The following PRMT7 variants were observed in gnomAD, a reference collection of about 807,000 sequenced individuals.
PRMT7 encodes protein arginine N-methyltransferase 7.
In PRMT7, 75 loss-of-function variants were observed where a neutral mutation model predicts 85.4. The observed-to-expected ratio is 0.88, with a 90% CI of 0.73 to 1.06. The LOEUF is 1.06. PRMT7 is among the 50% of genes least tolerant of loss of function. The probability of loss-of-function intolerance (pLI) is 0.00; values close to 1 mark genes in which losing one functional copy is unlikely to be tolerated. For synonymous variants in PRMT7, 397 were observed against 359.5 expected (o/e 1.10, Z -1.18); for missense variants, 868 against 915.2 (o/e 0.95, Z 0.67).
Position 68,345,719 on chromosome 16 carries a change from G to C in PRMT7, c.972G>C (p.Glu324Asp). Residue 324 changes from glutamate (E) to aspartate (D), a missense_variant, in exon 10 of 19, where the codon GAG becomes GAC. Physicochemically the swap from Glu to Asp is conservative, Grantham distance 45. Coordinates refer to ENST00000441236, the MANE Select transcript of PRMT7 (RefSeq NM_019023.5). ...AGTGTGTGTACTTCCTGCCACAAGA[G>C]GAGCCTGTGGTGCAGGGCTCAGCGC... ...WMQCVYFLPQ[E>D]EPVVQGSALY... 6.2e-7 allele frequency: 1 copy of C among 1,614,048 alleles called. No individual in the cohort carries two copies. The highest frequency in any genetic ancestry group is 8.5e-7 in the Non-Finnish European group (1 of 1,180,024).
Position 68,357,135 on chromosome 16 carries a change from G to C in PRMT7, c.1990G>C (p.Gly664Arg). 1 of 1,613,986 alleles carries C rather than the reference G, an allele frequency of 6.2e-7. No individual in the cohort carries two copies. The highest frequency in any genetic ancestry group is 2.2e-5 in the East Asian group (1 of 44,888). The change falls in exon 19 of 19, where the codon GGC becomes CGC. Residue 664 changes from glycine to arginine, a missense_variant. Physicochemically the swap from Gly to Arg is moderately radical, Grantham distance 125. Coordinates refer to ENST00000441236, the MANE Select transcript of PRMT7 (RefSeq NM_019023.5). The part of the protein sequence containing the change: ...PAPDPRALLG[G>R]PRTVSYAVEF... Reference sequence around the variant, plus strand: ...CCCAGATCCCAGAGCACTGCTGGGTGGCCCACGGACTGTCAGCTATGCAGT... The same window carrying C: ...CCCAGATCCCAGAGCACTGCTGGGTCGCCCACGGACTGTCAGCTATGCAGT...
chr16:68,321,485 A>T, intron 4 of PRMT7, 23 bp downstream of exon 4: 1 of 1,591,562 alleles, frequency 6.3e-7, no homozygotes, highest in Non-Finnish European at 8.6e-7. Context: ...GGAAACTATT[A>T]TCTTGATGTG....
intron 9 of PRMT7, 78 bp from the exon 10 acceptor site, chr16:68,345,597 C>T: frequency 6.3e-7 from 1 of 1,589,922 alleles, no homozygotes; most frequent in Non-Finnish European, 8.6e-7. Context: ...ACTGGCAGTT[C>T]TCTGGCATTT....
At chr16:68,339,613 G>T (rs1258669398) in intron 8 of PRMT7, 50 bp downstream of exon 8, 1 of 1,606,740 alleles carries the variant, frequency 6.2e-7, no homozygotes. Context: ...TTTGATGGAA[G>T]TTGGGTATTA....
chr16:68,325,983 A>G (rs1302840484), intron 5 of PRMT7, among the ~76,000 whole-genome samples: 2 of 152,218 alleles, frequency 1.3e-5, no homozygotes, highest in Admixed American at 1.3e-4. Context: ...ATAAAACATT[A>G]AACAGCTTGA....
chr16:68,347,606 A>G, intron 12 of PRMT7, 25 bp from the exon 13 acceptor site: 1 of 1,607,316 alleles, frequency 6.2e-7, no homozygotes, highest in Non-Finnish European at 8.5e-7. Flanking sequence ...ATATCTTACA[A>G]CTAATAGCGT....
rs552246438 is a variant in PRMT7, at chr16:68,316,747, C to G, written c.95+673C>G. Reference sequence around the variant, plus strand: ...AGCCATTGCACTCCAGCCTGGGCAACAAGAGCGAAACTCTGTCTCAAAAAA... The same window carrying G: ...AGCCATTGCACTCCAGCCTGGGCAAGAAGAGCGAAACTCTGTCTCAAAAAA... On this transcript the variant is annotated intron_variant, in intron 3 of 18. Coordinates refer to ENST00000441236, the MANE Select transcript of PRMT7 (RefSeq NM_019023.5). The G allele has an allele frequency of 2.6e-5, 4 of 152,390 alleles. No individual in the cohort carries two copies. In the South Asian group the frequency reaches 8.3e-4, roughly 32 times the overall value. 9.4% of individuals were successfully genotyped at this position (152,390 alleles called of 1,614,324 possible).
intron 12 of PRMT7, 134 bp from the exon 13 acceptor site, chr16:68,347,497 C>T (rs1001176935): frequency 3.0e-5 from 33 of 1,096,258 alleles, no homozygotes; most frequent in Non-Finnish European, 4.2e-5. Context: ...CAGGCTGCCC[C>T]AGGGAGGGAA....
At chr16:68,320,314 T>C (rs937854013) in intron 3 of PRMT7, among the ~76,000 whole-genome samples, 12 of 151,898 alleles carry the variant, frequency 7.9e-5, no homozygotes, top group Non-Finnish European at 8.8e-5. Context: ...CACACAGAAA[T>C]ATAGAGTGCA....
At chr16:68,327,181 T>C (rs190882045) in intron 5 of PRMT7, among the ~76,000 whole-genome samples, 2 of 152,280 alleles carry the variant, frequency 1.3e-5, no homozygotes, top group African/African-American at 2.4e-5. Context: ...GTAAAAAATA[T>C]AGTATTCATG....
At chr16:68,353,206 G>C (rs1296809811) in intron 15 of PRMT7, among the ~76,000 whole-genome samples, 1 of 152,148 alleles carries the variant, frequency 6.6e-6, no homozygotes, top group Non-Finnish European at 1.5e-5. Flanking sequence ...CCAAAGAAAT[G>C]ATGTTCAGGA....
At position 68,352,256 on chromosome 16, in the gene PRMT7, C is replaced by T. The variant is rs551306631; in HGVS notation, c.1422C>T (p.Leu474=). 17 of 1,613,188 alleles carry T rather than the reference C, an allele frequency of 1.1e-5. No homozygotes were observed. The South Asian group carries it at 1.9e-4, about 18-fold the overall frequency. ...NEDLQGRKVS[L]LLGEPFFTTS... is the part of the protein sequence containing the mutation. ...TCTCGCCCATTCACCAGGTCTCTCT[C>T]CTCCTGGGCGAGCCGTTCTTCACTA... is the stretch of plus-strand genomic sequence containing the variant. Residue 474 remains leucine (L), a synonymous_variant, in exon 15 of 19, where the codon CTC becomes CTT. Transcript: ENST00000441236.
chr16:68,342,817 G>A (rs532298361), intron 9 of PRMT7, among the ~76,000 whole-genome samples: 2 of 152,334 alleles, frequency 1.3e-5, no homozygotes, highest in East Asian at 3.9e-4. Context: ...TGCAGGCTGT[G>A]TGTGTGTCAC....
intron 14 of PRMT7, among the ~76,000 whole-genome samples, chr16:68,351,235 T>TC (rs1250371865): frequency 6.6e-6 from 1 of 152,166 alleles, no homozygotes; most frequent in Non-Finnish European, 1.5e-5. Flanking sequence ...CTGCTGCATC[T>TC]CCATCATCTC....
chr16:68,329,249 C>T, intron 6 of PRMT7, 75 bp downstream of exon 6: 1 of 1,136,918 alleles, frequency 8.8e-7, no homozygotes, highest in Non-Finnish European at 1.3e-6. Flanking sequence ...TTCCAGTTAC[C>T]TGGAACAAAT....
chr16:68,353,512 C>T lies in PRMT7; in HGVS notation c.1596C>T (p.Ser532=). 1 of 1,607,544 alleles carries T rather than the reference C, an allele frequency of 6.2e-7. No individual in the cohort carries two copies. The highest frequency in any genetic ancestry group is 1.3e-5 in the African/African-American group (1 of 74,666). Residue 532 remains serine, a synonymous_variant, in exon 16 of 19, where the codon AGC becomes AGT. Transcript: ENST00000441236. ...VEFRDLWRIR[S]PCGDCEGFDV... ...CACAGGACCTGTGGCGGATCCGGAG[C>T]CCCTGTGGTGACTGCGAAGGCTTCG...
chr16:68,359,742 C>T, downstream of PRMT7: 1 of 152,698 alleles, frequency 6.5e-6, no homozygotes, highest in Non-Finnish European at 1.5e-5. Context: ...TTGTCAAAAA[C>T]AGTCCCTCAA....
downstream of PRMT7, chr16:68,359,592 G>C (rs2089113027): frequency 1.3e-5 from 2 of 152,794 alleles, no homozygotes; most frequent in African/African-American, 4.8e-5. Flanking sequence ...ACAAGGCACA[G>C]CATCAGGGCA....
chr16:68,329,040 C>T, intron 5 of PRMT7, 26 bp from the exon 6 acceptor site: 2 of 1,506,692 alleles, frequency 1.3e-6, no homozygotes, highest in South Asian at 2.3e-5. Context: ...GCTCATTTTT[C>T]CTTGGGTTTC....
Sources: gnomAD v4.1 joint callset for allele counts (sites outside exome capture counted in the v4.1 genomes callset) on GRCh38, gnomAD v4.1.1 for gene constraint, MANE v1.5 for transcripts, NCBI Gene and HGNC (gene_info 2026-07-23, HGNC 2026-07-21) for gene names.